Variants in CELF2 observed in about 807,000 individuals in gnomAD.
CELF2 encodes the protein CUG triplet repeat RNA-binding protein 2.
Under a neutral mutation model 62.6 loss-of-function variants are expected in CELF2, and 8 were observed. That is an observed-to-expected ratio of 0.13 (90% CI 0.07 to 0.23). CELF2 has a LOEUF of 0.23. Ranked by LOEUF, CELF2 falls within the 10% of genes least tolerant of loss-of-function variation. The pLI is 1.00. For synonymous variants in CELF2, 258 were observed against 250.0 expected (o/e 1.03, Z -0.30); for missense variants, 333 against 671.0 (o/e 0.50, Z 5.56).
chr10:10,785,449 A>G, the CELF2 span, among the ~76,000 whole-genome samples: 4 of 152,246 alleles, frequency 2.6e-5, no homozygotes, highest in South Asian at 2.1e-4. Flanking sequence ...TCAATTCACA[A>G]TAGCCAAGAT....
At chr10:10,514,480 G>C in the CELF2 span, among the ~76,000 whole-genome samples, 1 of 152,180 alleles carries the variant, frequency 6.6e-6, no homozygotes, top group Admixed American at 6.5e-5. Flanking sequence ...TTACTTGAAG[G>C]ATGTTAACAC....
At chr10:11,077,109 C>A (rs542519707) in intron 1 of CELF2, among the ~76,000 whole-genome samples, 1 of 152,126 alleles carries the variant, frequency 6.6e-6, no homozygotes, top group South Asian at 2.1e-4. Flanking sequence ...TTTTGCAAAC[C>A]GTTAACTCTG....
chr10:10,711,437 G>A, the CELF2 span, among the ~76,000 whole-genome samples: 1 of 152,168 alleles, frequency 6.6e-6, no homozygotes, highest in African/African-American at 2.4e-5. Flanking sequence ...CAAGGATACT[G>A]GGTTGCATTT....
At chr10:10,551,950 C>CTT in the CELF2 span, among the ~76,000 whole-genome samples, 16,298 of 151,710 alleles carry the variant, frequency 0.11, 1,316 homozygotes, top group African/African-American at 0.23. Flanking sequence ...TTTCAGGGTG[C>CTT]TTTTTTTTCT....
At chr10:10,546,220 T>A in the CELF2 span, among the ~76,000 whole-genome samples, 1 of 152,220 alleles carries the variant, frequency 6.6e-6, no homozygotes, top group Non-Finnish European at 1.5e-5. Context: ...ATAACCATAC[T>A]GTGTGTGTGA....
At chr10:11,192,318 G>C (rs2076453753) in intron 2 of CELF2, among the ~76,000 whole-genome samples, 1 of 152,238 alleles carries the variant, frequency 6.6e-6, no homozygotes, top group Non-Finnish European at 1.5e-5. Context: ...GAGGAACCAA[G>C]GGCATGGCCT....
chr10:10,945,857 T>C (rs2047611073), intron 2 of CELF2, among the ~76,000 whole-genome samples: 1 of 152,188 alleles, frequency 6.6e-6, no homozygotes, highest in Non-Finnish European at 1.5e-5. Flanking sequence ...GGCTGGGTTA[T>C]TATGGGATGT....
the CELF2 span, among the ~76,000 whole-genome samples, chr10:10,724,559 G>T: frequency 2.0e-5 from 3 of 149,032 alleles, no homozygotes; most frequent in Non-Finnish European, 4.4e-5. Context: ...AGGAGGCTGA[G>T]ACAGGAGAAC....
chr10:10,639,017 A>G, the CELF2 span, among the ~76,000 whole-genome samples: 3 of 152,090 alleles, frequency 2.0e-5, no homozygotes, highest in Non-Finnish European at 4.4e-5. Context: ...TTTAATTAAT[A>G]TTTCTTCCTC....
At chr10:11,144,197 G>A (rs994902400) in intron 1 of CELF2, among the ~76,000 whole-genome samples, 6 of 152,068 alleles carry the variant, frequency 3.9e-5, no homozygotes, top group East Asian at 3.8e-4. Flanking sequence ...ACTTACTCTC[G>A]CTAATGCGTG....
At chr10:11,229,519 G>C (rs755360123) in intron 3 of CELF2, among the ~76,000 whole-genome samples, 4 of 152,068 alleles carry the variant, frequency 2.6e-5, no homozygotes, top group Non-Finnish European at 5.9e-5. Flanking sequence ...AGAATCCCTC[G>C]GGAGCTTTTA....
chr10:11,289,656 T>G (rs1053075422), intron 9 of CELF2, among the ~76,000 whole-genome samples: 1 of 152,214 alleles, frequency 6.6e-6, no homozygotes, highest in African/African-American at 2.4e-5. Context: ...GTGTATTGAC[T>G]TCACTGTGTA....
intron 6 of CELF2, 76 bp downstream of exon 6, chr10:11,266,753 G>T: frequency 8.5e-7 from 1 of 1,176,106 alleles, no homozygotes. Context: ...TCTCCTGTGT[G>T]GATTGTTCAC....
At chr10:10,862,603 A>G (rs1353427931) in intron 1 of CELF2, among the ~76,000 whole-genome samples, 5 of 152,200 alleles carry the variant, frequency 3.3e-5, no homozygotes, top group Non-Finnish European at 7.3e-5. Context: ...ATTGTATTCT[A>G]ATGGTTACAA....
chr10:11,065,261 A>G (rs1040599403), intron 1 of CELF2, among the ~76,000 whole-genome samples: 2 of 152,156 alleles, frequency 1.3e-5, no homozygotes, highest in African/African-American at 2.4e-5. Context: ...AAATTATTGT[A>G]TGGTGTTGTG....
At chr10:11,235,055 C>T (rs1349734540) in intron 3 of CELF2, among the ~76,000 whole-genome samples, 1 of 152,172 alleles carries the variant, frequency 6.6e-6, no homozygotes, top group African/African-American at 2.4e-5. Context: ...GACTCACATA[C>T]TTGGAATTGG....
At chr10:10,814,081 C>T (rs1171095313) in intron 1 of CELF2, among the ~76,000 whole-genome samples, 1 of 151,998 alleles carries the variant, frequency 6.6e-6, no homozygotes, top group Non-Finnish European at 1.5e-5. Flanking sequence ...GGCTCAGCAC[C>T]TCTACTCTCT....
At chr10:11,019,612 G>C in intron 1 of CELF2, among the ~76,000 whole-genome samples, 1 of 152,176 alleles carries the variant, frequency 6.6e-6, no homozygotes, top group Admixed American at 6.5e-5. Context: ...GAGGGGGGTG[G>C]AGGAGGGGGA....
At position 11,336,073 on chromosome 10, in the gene CELF2, A is replaced by T. The variant is rs2096113566; in HGVS notation, c.*7020A>T. On this transcript the variant is annotated 3_prime_UTR_variant, in exon 13 of 13. Transcript: ENST00000633077. This position sits in a 1 kb window ranked among gnomAD's most constrained non-coding sequence, Gnocchi z 5.4. ...ACCTTGGGATACCGCAGCACCATCAACATCCGCCTTGCTGATGGAAGCCAC... is the reference window on the plus strand; with the variant it reads ...ACCTTGGGATACCGCAGCACCATCATCATCCGCCTTGCTGATGGAAGCCAC... 6.5e-6 allele frequency: 1 copy of T among 152,716 alleles called. No individual in the cohort carries two copies. The highest frequency in any genetic ancestry group is 1.9e-4 in the East Asian group (1 of 5,186). The allele number at this position is 152,716 out of a possible 1,614,324, so 9.5% of individuals were successfully genotyped here.
Sources: allele counts gnomAD v4.1 joint callset (sites outside exome capture counted in the v4.1 genomes callset), GRCh38; gene constraint gnomAD v4.1.1; non-coding constraint Gnocchi (gnomAD v3.1); transcripts MANE v1.5; gene names NCBI Gene and HGNC (gene_info 2026-07-23, HGNC 2026-07-21).